LRRC27: variants seen among roughly 807,000 people sequenced by gnomAD.
LRRC27 encodes the protein leucine-rich repeat-containing protein 27.
Under a neutral mutation model 55.0 loss-of-function variants are expected in LRRC27, and 57 were observed. That is an observed-to-expected ratio of 1.04 (90% CI 0.84 to 1.29). LRRC27 has a LOEUF of 1.29. Ranked by LOEUF, LRRC27 falls within the 50% of genes most tolerant of loss-of-function variation. LRRC27 has a pLI of 0.00. For synonymous variants in LRRC27, 278 were observed against 251.9 expected (o/e 1.10, Z -0.98); for missense variants, 721 against 651.5 (o/e 1.11, Z -1.16).
chr10:132,331,927 G>A, upstream of LRRC27: 1 of 536,940 alleles, frequency 1.9e-6, no homozygotes, highest in Non-Finnish European at 2.7e-6. Context: ...CCCCCCCACC[G>A]CAAGCGCAAC....
intron 7 of LRRC27, chr10:132,352,819 T>G (rs1391888567): frequency 1.9e-6 from 3 of 1,580,646 alleles, no homozygotes; most frequent in African/African-American, 1.3e-5. Context: ...GTCTTTGCCC[T>G]GGCTTCCTCA....
rs146545356 is a variant in LRRC27 at position 132,372,136 on chromosome 10, C to T, written c.1417-2930C>T. On this transcript the variant is annotated intron_variant, in intron 10 of 10. Transcript: ENST00000368614. This position sits in a 1 kb window ranked among gnomAD's most constrained non-coding sequence, Gnocchi z 4.0. Reference sequence around the variant, plus strand: ...GTGGGGGTCGGGGTGCGGTGGCTCACGCCTGCAATCCCAGTTGAAAAGCAC... The same window carrying T: ...GTGGGGGTCGGGGTGCGGTGGCTCATGCCTGCAATCCCAGTTGAAAAGCAC... 1.9e-4 allele frequency among the ~76,000 whole-genome samples: 29 copies of T among 151,512 alleles called. No individual in the cohort carries two copies. The highest frequency in any genetic ancestry group is 6.8e-4 in the African/African-American group (28 of 41,250).
At chr10:132,354,095 A>T (rs1456902695) in intron 7 of LRRC27, among the ~76,000 whole-genome samples, 4 of 152,032 alleles carry the variant, frequency 2.6e-5, no homozygotes, top group African/African-American at 9.7e-5. Context: ...GACCTTCCGC[A>T]GGCACAGCCC....
chr10:132,335,308 C>G (rs899413316), intron 2 of LRRC27: 1 of 152,308 alleles, frequency 6.6e-6, no homozygotes, highest in Non-Finnish European at 1.5e-5. Flanking sequence ...TCCCAGACTT[C>G]GCCTATTGGT....
intron 5 of LRRC27, among the ~76,000 whole-genome samples, chr10:132,346,089 C>T (rs1314767664): frequency 2.0e-5 from 3 of 152,140 alleles, no homozygotes; most frequent in African/African-American, 7.2e-5. Flanking sequence ...TCTGAAGTTA[C>T]CCTTGAGTGT....
Position 132,374,862 on chromosome 10 carries a change from G to A in LRRC27, c.1417-204G>A, listed in dbSNP as rs2069307517. Among the ~76,000 whole-genome samples the A allele has an allele frequency of 1.3e-5, 2 of 152,216 alleles. No individual in the cohort carries two copies. Among genetic ancestry groups the A allele is most frequent in the Admixed American group, 1.3e-4 (2 of 15,286 alleles). The stretch of plus-strand genomic sequence containing the variant: ...GGTGTCCTCATGAGGTAGAAGGCCT[G>A]GGAGCCGGCTGGAAGTAGGCTGCTG... On this transcript the variant is annotated intron_variant, in intron 10 of 10. Transcript: ENST00000368614. The surrounding 1 kb of genome is among the most constrained non-coding windows in gnomAD (Gnocchi z 4.4).
chr10:132,335,818 T>C (rs2067100553), intron 2 of LRRC27, among the ~76,000 whole-genome samples: 1 of 152,178 alleles, frequency 6.6e-6, no homozygotes, highest in African/African-American at 2.4e-5. Context: ...AAGTATTTGA[T>C]TTATGACCTA....
intron 10 of LRRC27, among the ~76,000 whole-genome samples, chr10:132,371,438 G>A (rs72863824): frequency 0.014 from 2,067 of 152,298 alleles, 22 homozygotes; most frequent in Middle Eastern, 0.024. Context: ...GCCCTTCCAG[G>A]TCAACGCGGC....
rs764686065 is a variant in LRRC27 at position 132,365,433 on chromosome 10, G to A, written c.1299G>A (p.Gln433=). The A allele has an allele frequency of 2.1e-4, 339 of 1,613,540 alleles. No individual in the cohort carries two copies. The highest frequency in any genetic ancestry group is 2.7e-4 in the Non-Finnish European group (314 of 1,179,940). ...GCCCTTTGTTTCTCAGTGCCCTGCA[G>A]GAGAGAAATTTAGAAGAGAAGATAA... ...PQASKEMSAL[Q]ERNLEEKIKQ... Residue 433 remains glutamine (Q), a synonymous_variant, in exon 10 of 11, where the codon CAG becomes CAA. Transcript: ENST00000368614.
Position 132,348,324 on chromosome 10 carries a change from GAA to G in LRRC27, c.896_897del (p.Lys299ArgfsTer105), listed in dbSNP as rs747570509. On this transcript the variant is annotated frameshift_variant, in exon 6 of 11. Coordinates refer to ENST00000368614, the MANE Select transcript of LRRC27 (RefSeq NM_030626.3). LOFTEE classifies it high-confidence loss of function. The surrounding 1 kb of genome is among the most constrained non-coding windows in gnomAD (Gnocchi z 4.2). ...PNLKAALNIE[K>X]ELPKPRHVFR... ...ATCTCAAGGCGGCCTTGAACATTGAGAAAGAACTACCAAAGCCAAGACACGTT... is the reference window on the plus strand; with the variant it reads ...ATCTCAAGGCGGCCTTGAACATTGAGAGAACTACCAAAGCCAAGACACGTT... The G allele has an allele frequency of 6.2e-7, 1 of 1,613,524 alleles. No individual in the cohort carries two copies. The highest frequency in any genetic ancestry group is 1.3e-5 in the African/African-American group (1 of 75,034).
At chr10:132,343,782 C>T (rs1285981854) in intron 4 of LRRC27, among the ~76,000 whole-genome samples, 1 of 152,242 alleles carries the variant, frequency 6.6e-6, no homozygotes, top group African/African-American at 2.4e-5. Context: ...TGAACCCTGG[C>T]TCCCTCAGAT....
At chr10:132,337,162 A>G in intron 2 of LRRC27, 4 of 1,176,450 alleles carry the variant, frequency 3.4e-6, no homozygotes, top group Non-Finnish European at 4.2e-6. Flanking sequence ...GGCTCTGGCT[A>G]TTTGCTCAGT....
In LRRC27 at chr10:132,334,289, A is replaced by C. The variant is rs528755655; in HGVS notation, c.210+555A>C. Among the ~76,000 whole-genome samples the C allele has an allele frequency of 6.4e-4, 98 of 152,352 alleles. 1 individual carries two copies. Among genetic ancestry groups the C allele is most frequent in the African/African-American group, 2.3e-3 (96 of 41,570 alleles). On this transcript the variant is annotated intron_variant, in intron 2 of 10. Transcript: ENST00000368614. ...TGCTGGGACTCACAGAATTTCCTTAAACCTCATTTGGTTTAATCTGGAATG... is the reference window on the plus strand; with the variant it reads ...TGCTGGGACTCACAGAATTTCCTTACACCTCATTTGGTTTAATCTGGAATG...
intron 2 of LRRC27, 69 bp downstream of exon 2, chr10:132,333,803 T>C: frequency 8.5e-7 from 1 of 1,180,982 alleles, no homozygotes; most frequent in Non-Finnish European, 1.2e-6. Flanking sequence ...AATGTACCCC[T>C]GGGCTTTATT....
upstream of LRRC27, chr10:132,330,443 C>T (rs1400385352): frequency 5.6e-6 from 4 of 717,122 alleles, no homozygotes; most frequent in East Asian, 1.1e-4. Context: ...GGTGGCTGGC[C>T]TCCCCACGCT....
At chr10:132,365,198 A>G (rs2069007653) in intron 9 of LRRC27, among the ~76,000 whole-genome samples, 1 of 152,236 alleles carries the variant, frequency 6.6e-6, no homozygotes, top group Admixed American at 6.5e-5. Flanking sequence ...CTACTGAAGA[A>G]GGGATGGGAG....
At chr10:132,336,932 C>T (rs770700237) in intron 2 of LRRC27, 14 of 636,668 alleles carry the variant, frequency 2.2e-5, no homozygotes, top group Non-Finnish European at 3.5e-5. Context: ...ATGCATTTTA[C>T]ACAGCTAAAA....
Position 132,348,128 on chromosome 10 carries a change from C to T in LRRC27, c.698C>T (p.Pro233Leu), listed in dbSNP as rs76314919. ...ATGAAAGAGAAGGCCAGCTTTCTCC[C>T]ACCTGTGGAAAAGCCAGACCTGAGT... ...AVMKEKASFLPPVEKPDLSEL... is the reference protein window; with the variant it reads ...AVMKEKASFLLPVEKPDLSEL... The change falls in exon 6 of 11, where the codon CCA becomes CTA. Residue 233 changes from proline (P) to leucine (L), a missense_variant. By Grantham distance (98) the Pro-to-Leu change is moderately conservative. Transcript: ENST00000368614. The surrounding 1 kb of genome is among the most constrained non-coding windows in gnomAD (Gnocchi z 4.2). The T allele has an allele frequency of 8.2e-5, 132 of 1,614,062 alleles. No homozygotes were observed. In the Admixed American group the frequency reaches 1.9e-3, roughly 24 times the overall value.
intron 8 of LRRC27, among the ~76,000 whole-genome samples, chr10:132,360,074 T>C (rs1039891674): frequency 6.6e-6 from 1 of 152,168 alleles, no homozygotes; most frequent in Non-Finnish European, 1.5e-5. Flanking sequence ...AAATTAAGTG[T>C]CTGATTTTAA....
Sources: allele counts gnomAD v4.1 joint callset (sites outside exome capture counted in the v4.1 genomes callset), GRCh38; gene constraint gnomAD v4.1.1; non-coding constraint Gnocchi (gnomAD v3.1); transcripts MANE v1.5; gene names NCBI Gene and HGNC (gene_info 2026-07-23, HGNC 2026-07-21).